The following CCND3 variants were observed in gnomAD, a reference collection of about 807,000 sequenced individuals.
CCND3 encodes the protein cyclin D3.
In CCND3, 9 loss-of-function variants were observed where a neutral mutation model predicts 28.7. The ratio of observed to expected loss-of-function variants is 0.31; its 90% confidence interval spans 0.19 to 0.55. The LOEUF (loss-of-function observed/expected upper bound fraction) is 0.55. Ranked by LOEUF, CCND3 falls within the 20% of genes least tolerant of loss-of-function variation. The pLI, the probability that CCND3 is intolerant of heterozygous loss-of-function variation, is 0.93. For missense variants in CCND3, 315 were observed against 385.8 expected (o/e 0.82, Z 1.54); for synonymous variants, 164 against 163.9 (o/e 1.00, Z 0.00).
chr6:42,024,272 G>A (rs552665987), intron 1 of CCND3, among the ~76,000 whole-genome samples: 2 of 151,968 alleles, frequency 1.3e-5, no homozygotes, highest in South Asian at 2.1e-4. Flanking sequence ...GCATGTTGGC[G>A]GGCACCTGTA....
At chr6:42,041,979 G>A (rs879631236) in intron 1 of CCND3, among the ~76,000 whole-genome samples, 5 of 152,208 alleles carry the variant, frequency 3.3e-5, no homozygotes, top group Non-Finnish European at 4.4e-5. Context: ...CAGCAGAGAA[G>A]GAAGAGAACA....
chr6:41,946,139 T>G (rs544145411), upstream of CCND3, among the ~76,000 whole-genome samples: 1 of 152,236 alleles, frequency 6.6e-6, no homozygotes, highest in Non-Finnish European at 1.5e-5. Flanking sequence ...TTAAACCACC[T>G]CTCTGTGCCT....
At chr6:42,039,607 A>T (rs998939566) in intron 1 of CCND3, among the ~76,000 whole-genome samples, 1 of 152,228 alleles carries the variant, frequency 6.6e-6, no homozygotes, top group Admixed American at 6.5e-5. Flanking sequence ...TACAAGAGCG[A>T]GGAAAGGAAA....
chr6:41,951,585 G>T (rs1160332365), intron 1 of CCND3, among the ~76,000 whole-genome samples: 2 of 90,510 alleles, frequency 2.2e-5, no homozygotes, highest in East Asian at 3.9e-4. Context: ...CAAAAAAAAA[G>T]ATTAAGTGGG....
At chr6:42,005,765 T>C (rs9357381) in intron 1 of CCND3, among the ~76,000 whole-genome samples, 148,646 of 151,728 alleles carry the variant, frequency 0.98, 72,885 homozygotes, top group East Asian at 1. Context: ...CTCACTGCAA[T>C]GTCCACCTCC....
chr6:41,978,100 C>T (rs968807788), intron 1 of CCND3, among the ~76,000 whole-genome samples: 4 of 151,602 alleles, frequency 2.6e-5, no homozygotes, highest in Admixed American at 6.6e-5. Context: ...TTTGACAGGG[C>T]GTGGTGGCTC....
At chr6:41,998,013 G>A (rs910413507) in intron 1 of CCND3, among the ~76,000 whole-genome samples, 6 of 151,304 alleles carry the variant, frequency 4.0e-5, no homozygotes, top group Admixed American at 6.6e-5. Context: ...AAAATTAGCC[G>A]GGCGTGGTGG....
chr6:41,996,133 T>TATA (rs1762794849), intron 1 of CCND3, among the ~76,000 whole-genome samples: 1 of 11,978 alleles, frequency 8.3e-5, no homozygotes, highest in Non-Finnish European at 2.1e-4. Context: ...AATATATATA[T>TATA]ATATATTTTT....
chr6:42,009,980 C>A (rs1763293639), intron 1 of CCND3, among the ~76,000 whole-genome samples: 1 of 152,158 alleles, frequency 6.6e-6, no homozygotes, highest in African/African-American at 2.4e-5. Context: ...AAGCAATCAG[C>A]AAACAGGCCC....
intron 2 of CCND3, among the ~76,000 whole-genome samples, chr6:41,937,938 T>TTTCTCAGG (rs1352281912): frequency 6.6e-6 from 1 of 152,144 alleles, no homozygotes; most frequent in East Asian, 1.9e-4. Flanking sequence ...CACAGAGCCT[T>TTTCTCAGG]TTCTCAGGTT....
chr6:41,982,216 G>A (rs1369289599), intron 1 of CCND3, among the ~76,000 whole-genome samples: 1 of 151,604 alleles, frequency 6.6e-6, no homozygotes, highest in Non-Finnish European at 1.5e-5. Context: ...GTTGCAGTGA[G>A]CAGAGATTGT....
intron 1 of CCND3, among the ~76,000 whole-genome samples, chr6:42,013,934 T>C (rs1763413048): frequency 6.6e-6 from 1 of 150,778 alleles, no homozygotes; most frequent in South Asian, 2.1e-4. Context: ...TAGCTGGGCG[T>C]GGTGGTGTGC....
chr6:41,945,507 T>G (rs188408939), upstream of CCND3, among the ~76,000 whole-genome samples: 152 of 146,902 alleles, frequency 1.0e-3, no homozygotes, highest in African/African-American at 3.6e-3. Flanking sequence ...AGAGCGAAAC[T>G]CTGTCTCCAA....
intron 1 of CCND3, among the ~76,000 whole-genome samples, chr6:41,998,796 C>T (rs1271101570): frequency 6.6e-6 from 1 of 151,940 alleles, no homozygotes; most frequent in Non-Finnish European, 1.5e-5. Context: ...TCTCCTGCCT[C>T]AGCCTCCTGA....
At chr6:41,940,005 A>T (rs1452844365) in intron 2 of CCND3, among the ~76,000 whole-genome samples, 1 of 152,162 alleles carries the variant, frequency 6.6e-6, no homozygotes, top group African/African-American at 2.4e-5. Context: ...GTGTGCAGGC[A>T]TGCCCTTCTG....
intron 1 of CCND3, among the ~76,000 whole-genome samples, chr6:42,011,557 C>T (rs1479248532): frequency 3.3e-5 from 5 of 151,994 alleles, no homozygotes; most frequent in Non-Finnish European, 7.4e-5. Flanking sequence ...ACATAATGGG[C>T]CCTAACTGGA....
chr6:41,969,810 G>A (rs1347585843), intron 1 of CCND3, among the ~76,000 whole-genome samples: 1 of 152,114 alleles, frequency 6.6e-6, no homozygotes, highest in African/African-American at 2.4e-5. Flanking sequence ...GAACTTTGGT[G>A]TCACATCTGG....
intron 1 of CCND3, among the ~76,000 whole-genome samples, chr6:41,981,482 C>T (rs1266436298): frequency 1.3e-5 from 2 of 150,986 alleles, no homozygotes; most frequent in Admixed American, 6.6e-5. Context: ...GGATTATAGG[C>T]TTGAGCCACC....
chr6:41,946,575 T>TG (rs1776174681), upstream of CCND3, among the ~76,000 whole-genome samples: 1 of 106,024 alleles, frequency 9.4e-6, no homozygotes, highest in South Asian at 3.3e-4. Context: ...CACTCCACCC[T>TG]GGGCAACAGA....
Sources: gnomAD v4.1 joint callset for allele counts (sites outside exome capture counted in the v4.1 genomes callset) on GRCh38, gnomAD v4.1.1 for gene constraint, MANE v1.5 for transcripts, NCBI Gene and HGNC (gene_info 2026-07-23, HGNC 2026-07-21) for gene names.